The following STK24 variants were observed in gnomAD, a reference collection of about 807,000 sequenced individuals.
STK24 encodes serine/threonine-protein kinase 24.
In STK24, 21 loss-of-function variants were observed where a neutral mutation model predicts 55.6. That is an observed-to-expected ratio of 0.38 (90% confidence interval 0.27 to 0.54). The LOEUF (loss-of-function observed/expected upper bound fraction) is 0.54, where lower values mean the gene tolerates loss of function less well. Ranked by LOEUF, STK24 falls within the 20% of genes least tolerant of loss-of-function variation. The probability of loss-of-function intolerance (pLI) is 0.79; values close to 1 mark genes in which losing one functional copy is unlikely to be tolerated. For missense variants in STK24, 383 were observed against 538.4 expected (o/e 0.71, Z 2.86); for synonymous variants, 200 against 215.2 (o/e 0.93, Z 0.62).
chr13:98,543,875 C>T (rs1445276512), intron 1 of STK24, among the ~76,000 whole-genome samples: 3 of 152,214 alleles, frequency 2.0e-5, no homozygotes, highest in Non-Finnish European at 2.9e-5. Flanking sequence ...GCATAAACCA[C>T]ATGCTATACA....
intron 2 of STK24, among the ~76,000 whole-genome samples, chr13:98,507,515 G>C (rs769966593): frequency 3.9e-5 from 6 of 152,198 alleles, no homozygotes; most frequent in Non-Finnish European, 8.8e-5. Context: ...AGAAAGATAA[G>C]GGCTAGCCAC....
intron 1 of STK24, among the ~76,000 whole-genome samples, chr13:98,546,898 G>GTTC (rs35604779): frequency 0.74 from 111,347 of 151,266 alleles, 41,091 homozygotes; most frequent in Non-Finnish European, 0.78. Context: ...ATATCTAATT[G>GTTC]TTGTTTTTTT....
At chr13:98,519,553 T>C in intron 1 of STK24, 80 bp from the exon 2 acceptor site, 1 of 1,097,862 alleles carries the variant, frequency 9.1e-7, no homozygotes, top group Non-Finnish European at 1.4e-6. Flanking sequence ...ATGTGTAATG[T>C]TATAGACCAC....
chr13:98,499,569 G>A (rs1895370778), intron 2 of STK24, among the ~76,000 whole-genome samples: 2 of 152,210 alleles, frequency 1.3e-5, no homozygotes, highest in African/African-American at 4.8e-5. Context: ...TTTCAGGGGT[G>A]GGGTGCGTCA....
At chr13:98,471,892 C>T (rs538523665) in intron 5 of STK24, among the ~76,000 whole-genome samples, 2 of 152,168 alleles carry the variant, frequency 1.3e-5, no homozygotes, top group Non-Finnish European at 1.5e-5. Context: ...GAACCCTGTC[C>T]CCAATAGCTG....
chr13:98,489,893 T>G (rs916850363), intron 2 of STK24, among the ~76,000 whole-genome samples: 10 of 151,478 alleles, frequency 6.6e-5, no homozygotes, highest in Admixed American at 1.3e-4. Context: ...AACAAATACA[T>G]GAGGAGAAAA....
intron 2 of STK24, among the ~76,000 whole-genome samples, chr13:98,502,452 A>G (rs567633040): frequency 9.2e-5 from 14 of 152,308 alleles, no homozygotes; most frequent in African/African-American, 3.1e-4. Flanking sequence ...CTACGATTTG[A>G]ATGTGTCCCC....
chr13:98,529,598 G>A (rs1896527422), intron 1 of STK24, among the ~76,000 whole-genome samples: 1 of 152,270 alleles, frequency 6.6e-6, no homozygotes, highest in South Asian at 2.1e-4. Flanking sequence ...TATACAGTAT[G>A]AGTCCCTTTA....
intron 1 of STK24, among the ~76,000 whole-genome samples, chr13:98,535,395 G>A (rs1374596963): frequency 6.5e-5 from 5 of 77,066 alleles, no homozygotes; most frequent in African/African-American, 3.5e-4. Flanking sequence ...ATATATGTGT[G>A]TATACACACA....
At chr13:98,535,461 T>C (rs1896704366) in intron 1 of STK24, among the ~76,000 whole-genome samples, 2 of 147,166 alleles carry the variant, frequency 1.4e-5, no homozygotes, top group Middle Eastern at 3.5e-3. Context: ...ATAAAGTATA[T>C]AGTTCCTTGG....
At chr13:98,549,495 G>A (rs1168524940) in intron 1 of STK24, among the ~76,000 whole-genome samples, 1 of 152,170 alleles carries the variant, frequency 6.6e-6, no homozygotes, top group African/African-American at 2.4e-5. Flanking sequence ...TTGGATCATG[G>A]GGGTGGATCC....
chr13:98,563,700 TA>T (rs1227891705), intron 1 of STK24, among the ~76,000 whole-genome samples: 3 of 146,950 alleles, frequency 2.0e-5, no homozygotes, highest in African/African-American at 5.0e-5. Flanking sequence ...CTACTAAAAA[TA>T]AAAAAAAAAT....
chr13:98,567,397 C>G (rs1443012592), intron 1 of STK24, among the ~76,000 whole-genome samples: 1 of 152,218 alleles, frequency 6.6e-6, no homozygotes, highest in Non-Finnish European at 1.5e-5. Context: ...AGCACATACT[C>G]AATTCTGGAC....
intron 3 of STK24, among the ~76,000 whole-genome samples, 184 bp downstream of exon 3, chr13:98,482,081 A>G (rs1566360022): frequency 2.0e-5 from 3 of 151,896 alleles, no homozygotes; most frequent in African/African-American, 7.3e-5. Flanking sequence ...AAAAAAAAAA[A>G]GGTAAACCAA....
intron 2 of STK24, among the ~76,000 whole-genome samples, chr13:98,515,215 T>G (rs1282082204): frequency 6.6e-6 from 1 of 152,008 alleles, no homozygotes; most frequent in Non-Finnish European, 1.5e-5. Flanking sequence ...TCGTTACAAT[T>G]ATATGTCTTC....
At chr13:98,485,519 C>T (rs1343133662) in intron 2 of STK24, among the ~76,000 whole-genome samples, 2 of 152,192 alleles carry the variant, frequency 1.3e-5, no homozygotes. Flanking sequence ...AATCTTGTAG[C>T]CCCAAGCTGC....
intron 1 of STK24, chr13:98,521,912 C>T: frequency 2.0e-6 from 2 of 1,008,396 alleles, no homozygotes; most frequent in Non-Finnish European, 3.2e-6. Flanking sequence ...TTCTTCCATT[C>T]ACCCCTCTCT....
intron 1 of STK24, among the ~76,000 whole-genome samples, chr13:98,550,476 C>T (rs868853570): frequency 3.3e-5 from 5 of 152,150 alleles, no homozygotes; most frequent in Non-Finnish European, 5.9e-5. Context: ...CTACAGTGAG[C>T]CATGATCACA....
chr13:98,526,631 G>A (rs969690696), intron 1 of STK24, among the ~76,000 whole-genome samples: 1 of 152,164 alleles, frequency 6.6e-6, no homozygotes, highest in Non-Finnish European at 1.5e-5. Flanking sequence ...CTGCATTCAA[G>A]TTTATTTAAC....
Sources: allele counts gnomAD v4.1 joint callset (sites outside exome capture counted in the v4.1 genomes callset), GRCh38; gene constraint gnomAD v4.1.1; transcripts MANE v1.5; gene names NCBI Gene and HGNC (gene_info 2026-07-23, HGNC 2026-07-21).